The following SPAG9 variants were observed in gnomAD, a reference collection of about 807,000 sequenced individuals.
SPAG9 encodes the protein sperm associated antigen 9, also known as C-Jun-amino-terminal kinase-interacting protein 4.
A neutral mutation model predicts 166.5 loss-of-function variants in SPAG9; 35 were observed. The observed-to-expected ratio is 0.21, with a 90% CI of 0.16 to 0.28. The LOEUF is 0.28. Among genes scored for constraint, SPAG9 ranks in the 10% least tolerant of loss-of-function variants. SPAG9 has a pLI of 1.00. For synonymous variants in SPAG9, 534 were observed against 565.5 expected (o/e 0.94, Z 0.79); for missense variants, 1,235 against 1,603.3 (o/e 0.77, Z 3.92).
In SPAG9 at chr17:50,970,753, A is replaced by T; in HGVS notation, c.3804T>A (p.Ser1268=). 6.2e-7 allele frequency: 1 copy of T among 1,614,134 alleles called. No homozygotes were observed. Among genetic ancestry groups the T allele is most frequent in the South Asian group, 1.1e-5 (1 of 91,080 alleles). The change falls in exon 29 of 30, where the codon TCT becomes TCA. Residue 1268 remains serine, a synonymous_variant. Transcript: ENST00000262013. ...QEPGSQTPLK[S]MLVISGGEGY... ...CCTCTCCTCCACTGATGACAAGCATAGACTTCAAGGGCGTCTGACTACCAG... is the reference window on the plus strand; with the variant it reads ...CCTCTCCTCCACTGATGACAAGCATTGACTTCAAGGGCGTCTGACTACCAG...
intron 1 of SPAG9, among the ~76,000 whole-genome samples, chr17:51,095,707 T>C (rs1471809166): frequency 7.2e-6 from 1 of 138,150 alleles, no homozygotes; most frequent in Non-Finnish European, 1.6e-5. Context: ...TAGTGATATA[T>C]ATAGTGATAT....
At chr17:51,047,920 G>A (rs1165861098) in intron 3 of SPAG9, among the ~76,000 whole-genome samples, 1 of 151,974 alleles carries the variant, frequency 6.6e-6, no homozygotes, top group African/African-American at 2.4e-5. Flanking sequence ...CTTATGTGCT[G>A]ATCTCTTCCA....
chr17:51,087,906 T>A (rs2048344827), intron 1 of SPAG9, among the ~76,000 whole-genome samples: 1 of 151,994 alleles, frequency 6.6e-6, no homozygotes, highest in South Asian at 2.1e-4. Context: ...CAGCTAAATT[T>A]TTTTTATTTC....
chr17:51,024,844 A>G (rs1484239572), intron 6 of SPAG9, among the ~76,000 whole-genome samples: 1 of 151,770 alleles, frequency 6.6e-6, no homozygotes, highest in East Asian at 1.9e-4. Context: ...AACAATAATA[A>G]TGTATTGTAC....
chr17:50,966,672 C>T (rs944123131), intron 29 of SPAG9, among the ~76,000 whole-genome samples: 5 of 152,134 alleles, frequency 3.3e-5, no homozygotes, highest in Non-Finnish European at 2.9e-5. Context: ...GTCTGCATAC[C>T]GATGGTCCAG....
At chr17:51,028,586 G>T (rs1221136430) in intron 6 of SPAG9, among the ~76,000 whole-genome samples, 1 of 152,156 alleles carries the variant, frequency 6.6e-6, no homozygotes. Flanking sequence ...TATAGTTCAG[G>T]TGTGTAGTAA....
In SPAG9 at chr17:51,053,859, A is replaced by AG. The variant is rs2047269181; in HGVS notation, c.495+2552_495+2553insC. 4.1e-3 allele frequency among the ~76,000 whole-genome samples: 185 copies of AG among 45,512 alleles called. 1 individual carries two copies. The highest frequency in any genetic ancestry group is 0.022 in the African/African-American group (157 of 7,210). The allele number at this position is 45,512 out of a possible 152,430, so 29.9% of individuals were successfully genotyped here. ...ATTAAAAAAAAAAAAAAAAAAGTAT[A>AG]TATATATATATATATATATATATAT... On this transcript the variant is annotated intron_variant, in intron 3 of 29. Transcript: ENST00000262013.
chr17:51,039,505 G>A (rs1052375072), intron 5 of SPAG9, among the ~76,000 whole-genome samples: 4 of 152,218 alleles, frequency 2.6e-5, no homozygotes, highest in Non-Finnish European at 5.9e-5. Context: ...CTTATTCATT[G>A]AGTCTTTATC....
chr17:51,077,017 GCTAT>G (rs144035429), intron 2 of SPAG9, among the ~76,000 whole-genome samples: 28 of 47,622 alleles, frequency 5.9e-4, no homozygotes, highest in South Asian at 5.3e-3. Flanking sequence ...TAGCTAGCTA[GCTAT>G]CTAGCTATCT....
intron 2 of SPAG9, among the ~76,000 whole-genome samples, chr17:51,064,925 C>T (rs1247728474): frequency 6.6e-6 from 1 of 152,058 alleles, no homozygotes; most frequent in Admixed American, 6.6e-5. Context: ...AGTTTGAGAC[C>T]AGCCTGGCCA....
chr17:51,015,934 C>T (rs192058281), intron 8 of SPAG9, among the ~76,000 whole-genome samples: 227 of 152,076 alleles, frequency 1.5e-3, no homozygotes, highest in African/African-American at 4.8e-3. Flanking sequence ...AAAAGACTTA[C>T]TTCATATAAG....
chr17:50,986,575 T>G (rs1975064702), intron 22 of SPAG9, among the ~76,000 whole-genome samples: 1 of 152,216 alleles, frequency 6.6e-6, no homozygotes, highest in African/African-American at 2.4e-5. Context: ...ACAGTAATCT[T>G]GCTTAACCTT....
At chr17:51,104,983 C>T (rs1308225121) in intron 1 of SPAG9, among the ~76,000 whole-genome samples, 1 of 149,374 alleles carries the variant, frequency 6.7e-6, no homozygotes, top group Non-Finnish European at 1.5e-5. Context: ...GTAGTCCCAG[C>T]TACTCGGGAG....
intron 1 of SPAG9, among the ~76,000 whole-genome samples, chr17:51,099,783 A>AAAC (rs2048754589): frequency 6.6e-6 from 1 of 150,548 alleles, no homozygotes; most frequent in Non-Finnish European, 1.5e-5. Flanking sequence ...AAAAAAAAAA[A>AAAC]AAAAAACTAG....
chr17:51,096,680 C>G (rs2048657606), intron 1 of SPAG9, among the ~76,000 whole-genome samples: 2 of 151,966 alleles, frequency 1.3e-5, no homozygotes, highest in African/African-American at 4.8e-5. Context: ...GTGGTATATT[C>G]ATGTCATCGA....
intron 9 of SPAG9, among the ~76,000 whole-genome samples, chr17:51,009,323 A>C (rs1423049767): frequency 6.6e-6 from 1 of 152,194 alleles, no homozygotes; most frequent in Admixed American, 6.5e-5. Flanking sequence ...AAAAAAATTG[A>C]AATGTGTGCT....
chr17:51,020,121 G>T, intron 8 of SPAG9, 38 bp downstream of exon 8: 2 of 1,236,362 alleles, frequency 1.6e-6, no homozygotes, highest in Non-Finnish European at 2.4e-6. Context: ...TTGGGGGTGG[G>T]GGGCGCAGAA....
At chr17:51,099,224 A>G (rs1598179853) in intron 1 of SPAG9, among the ~76,000 whole-genome samples, 1 of 152,002 alleles carries the variant, frequency 6.6e-6, no homozygotes, top group Non-Finnish European at 1.5e-5. Flanking sequence ...ACCTGAGGTC[A>G]GCAGTTTGAG....
At chr17:51,029,124 A>G (rs1488375404) in intron 6 of SPAG9, among the ~76,000 whole-genome samples, 1 of 152,230 alleles carries the variant, frequency 6.6e-6, no homozygotes, top group African/African-American at 2.4e-5. Context: ...AGCTAGTACA[A>G]GATTTGGAAG....
Sources: allele counts gnomAD v4.1 joint callset (sites outside exome capture counted in the v4.1 genomes callset), GRCh38; gene constraint gnomAD v4.1.1; transcripts MANE v1.5; gene names NCBI Gene and HGNC (gene_info 2026-07-23, HGNC 2026-07-21).